The following BMPR1B variants were observed in gnomAD, a reference collection of about 807,000 sequenced individuals.
BMPR1B encodes bone morphogenetic protein receptor type 1B.
In BMPR1B, 12 loss-of-function variants were observed where a neutral mutation model predicts 59.1. The ratio of observed to expected loss-of-function variants is 0.20; its 90% CI spans 0.13 to 0.33. The LOEUF is 0.33. BMPR1B is among the 10% of genes least tolerant of loss of function. BMPR1B has a pLI of 1.00. For synonymous variants in BMPR1B, 237 were observed against 207.3 expected (o/e 1.14, Z -1.23); for missense variants, 550 against 610.9 (o/e 0.90, Z 1.05).
intron 1 of BMPR1B, among the ~76,000 whole-genome samples, chr4:94,868,720 T>C (rs949011052): frequency 6.6e-6 from 1 of 152,196 alleles, no homozygotes; most frequent in Admixed American, 6.5e-5. Flanking sequence ...TATTCCTAGA[T>C]CATGAAAATA....
chr4:95,111,307 C>A (rs1472638210), intron 4 of BMPR1B, among the ~76,000 whole-genome samples: 1 of 152,022 alleles, frequency 6.6e-6, no homozygotes, highest in East Asian at 1.9e-4. Flanking sequence ...AAAAGTTCTA[C>A]AATAGTCTCT....
chr4:94,763,751 A>G (rs182500613), intron 1 of BMPR1B, among the ~76,000 whole-genome samples: 37 of 152,340 alleles, frequency 2.4e-4, no homozygotes, highest in Non-Finnish European at 4.3e-4. Flanking sequence ...GTCTGTAATG[A>G]TGTTGCCTTT....
chr4:95,012,011 T>A (rs1315774358), intron 3 of BMPR1B, among the ~76,000 whole-genome samples: 2 of 150,622 alleles, frequency 1.3e-5, no homozygotes, highest in African/African-American at 2.4e-5. Flanking sequence ...AGAGCAAGAC[T>A]CTGTGTCAAA....
chr4:94,948,147 C>T (rs947404941), intron 2 of BMPR1B, among the ~76,000 whole-genome samples: 6 of 152,200 alleles, frequency 3.9e-5, no homozygotes, highest in Non-Finnish European at 7.3e-5. Flanking sequence ...TTAGCTTCTT[C>T]CTGGTCATAG....
chr4:94,809,357 G>A (rs544178248), intron 1 of BMPR1B, among the ~76,000 whole-genome samples: 5 of 152,072 alleles, frequency 3.3e-5, no homozygotes, highest in South Asian at 4.1e-4. Flanking sequence ...AGAATACTCC[G>A]TTATTTCTTA....
Position 94,838,455 on chromosome 4 carries a change from C to T in BMPR1B, c.-182-37376C>T, listed in dbSNP as rs1349503673. Among the ~76,000 whole-genome samples the T allele has an allele frequency of 1.4e-4, 17 of 124,166 alleles. 1 individual carries two copies. In the South Asian group the frequency reaches 2.9e-3, roughly 21 times the overall value. The allele number at this position is 124,166 out of a possible 152,430, so 81.5% of individuals were successfully genotyped here. ...TTTCAGCTCCTGTTATTGGTCTATTCAGAGATTCAACTTCTTCCTGGTTTA... is the reference window on the plus strand; with the variant it reads ...TTTCAGCTCCTGTTATTGGTCTATTTAGAGATTCAACTTCTTCCTGGTTTA... On this transcript the variant is annotated intron_variant, in intron 1 of 12. Coordinates refer to ENST00000515059, the MANE Select transcript of BMPR1B (RefSeq NM_001203.3).
intron 2 of BMPR1B, among the ~76,000 whole-genome samples, chr4:94,902,354 GT>G: frequency 6.6e-6 from 1 of 150,486 alleles, no homozygotes; most frequent in Admixed American, 6.6e-5. Context: ...TTATGTAAAA[GT>G]TTGGCCCACA....
At chr4:94,816,019 C>T (rs1422504326) in intron 1 of BMPR1B, among the ~76,000 whole-genome samples, 1 of 152,080 alleles carries the variant, frequency 6.6e-6, no homozygotes, top group Admixed American at 6.6e-5. Context: ...TATCTGTTAT[C>T]TTGGCTTTGT....
At chr4:95,142,618 C>T (rs1734322763) in intron 10 of BMPR1B, among the ~76,000 whole-genome samples, 1 of 152,082 alleles carries the variant, frequency 6.6e-6, no homozygotes, top group African/African-American at 2.4e-5. Flanking sequence ...GCATCAACAG[C>T]ATCCAGCAGG....
intron 2 of BMPR1B, among the ~76,000 whole-genome samples, chr4:94,921,560 C>T (rs1728688597): frequency 2.0e-5 from 3 of 152,002 alleles, no homozygotes; most frequent in Non-Finnish European, 4.4e-5. Flanking sequence ...AGGTACTCCA[C>T]ACTTTTAAAC....
At chr4:95,040,879 T>G (rs1012205531) in intron 3 of BMPR1B, among the ~76,000 whole-genome samples, 1 of 152,206 alleles carries the variant, frequency 6.6e-6, no homozygotes, top group African/African-American at 2.4e-5. Flanking sequence ...CTACATTACG[T>G]GGCTCTGGTA....
At chr4:94,876,010 T>A (rs1726716446) in intron 2 of BMPR1B, 110 bp downstream of exon 2, 1 of 152,624 alleles carries the variant, frequency 6.6e-6, no homozygotes, top group African/African-American at 2.4e-5. Flanking sequence ...GATAATACAT[T>A]TTATAAGATG....
intron 1 of BMPR1B, among the ~76,000 whole-genome samples, chr4:94,786,317 A>G (rs1343899266): frequency 6.6e-6 from 1 of 151,820 alleles, no homozygotes; most frequent in Non-Finnish European, 1.5e-5. Context: ...GTCAAAATTC[A>G]TAGTGGGCAG....
intron 2 of BMPR1B, among the ~76,000 whole-genome samples, chr4:94,970,910 A>G (rs1037698757): frequency 1.2e-4 from 18 of 152,008 alleles, no homozygotes; most frequent in African/African-American, 4.1e-4. Flanking sequence ...TTTTGGATGA[A>G]CTCTTTAAAT....
intron 2 of BMPR1B, among the ~76,000 whole-genome samples, chr4:94,889,438 T>C (rs1051543703): frequency 1.3e-5 from 2 of 152,064 alleles, no homozygotes; most frequent in Admixed American, 1.3e-4. Flanking sequence ...TGAAAACAAG[T>C]TAAGATTGAA....
chr4:95,111,670 A>AC (rs1731642443), intron 4 of BMPR1B, among the ~76,000 whole-genome samples: 1 of 151,970 alleles, frequency 6.6e-6, no homozygotes, highest in Non-Finnish European at 1.5e-5. Context: ...ACAGGTAGAC[A>AC]CCTTTTTTGC....
Position 94,837,367 on chromosome 4 carries a change from C to T in BMPR1B, c.-182-38464C>T, listed in dbSNP as rs545635066. On this transcript the variant is annotated intron_variant, in intron 1 of 12. Transcript: ENST00000515059. ...ACCTTGGGCAGTATGGCCATTTTCACGATATTGATTCTTCCTACCCATGAG... is the reference window on the plus strand; with the variant it reads ...ACCTTGGGCAGTATGGCCATTTTCATGATATTGATTCTTCCTACCCATGAG... 5.3e-4 allele frequency among the ~76,000 whole-genome samples: 78 copies of T among 145,950 alleles called. 4 individuals carry two copies. Among genetic ancestry groups the T allele is most frequent in the African/African-American group, 1.8e-3 (71 of 39,360 alleles).
At chr4:95,032,580 A>T (rs982566895) in intron 3 of BMPR1B, among the ~76,000 whole-genome samples, 1 of 152,132 alleles carries the variant, frequency 6.6e-6, no homozygotes, top group Non-Finnish European at 1.5e-5. Flanking sequence ...GTCTCTATGA[A>T]TTTGACTCTA....
chr4:95,056,920 C>T (rs903900236), intron 3 of BMPR1B, among the ~76,000 whole-genome samples: 1 of 152,344 alleles, frequency 6.6e-6, no homozygotes, highest in South Asian at 2.1e-4. Flanking sequence ...GCATAAGTGC[C>T]ATTTAGTTAA....
Sources: allele counts gnomAD v4.1 joint callset (sites outside exome capture counted in the v4.1 genomes callset), GRCh38; gene constraint gnomAD v4.1.1; transcripts MANE v1.5; gene names NCBI Gene and HGNC (gene_info 2026-07-23, HGNC 2026-07-21).